Variants in FYB1 observed in about 807,000 individuals in gnomAD.
The protein encoded by FYB1 is FYN binding protein 1.
FYB1 carries 41 observed loss-of-function variants against 94.1 expected under a neutral mutation model. That is an observed-to-expected ratio of 0.44 (90% CI 0.34 to 0.57). The LOEUF is 0.57. FYB1 is among the 20% of genes least tolerant of loss of function. The pLI is 0.02. For missense variants in FYB1, 1,050 were observed against 976.8 expected, an observed-to-expected ratio of 1.07 and a Z score of -1.00; for synonymous variants, 367 against 353.2, an observed-to-expected ratio of 1.04 and a Z score of -0.44.
chr5:39,151,539 C>T (rs546902296), intron 3 of FYB1, among the ~76,000 whole-genome samples: 6 of 152,316 alleles, frequency 3.9e-5, no homozygotes, highest in Middle Eastern at 3.4e-3. Context: ...ATCCTCCCAC[C>T]TCTGTCTTTC....
chr5:39,264,195 C>G (rs1040744190), intron 1 of FYB1, among the ~76,000 whole-genome samples: 1 of 152,154 alleles, frequency 6.6e-6, no homozygotes, highest in African/African-American at 2.4e-5. Context: ...GATGAACATT[C>G]TTTTGCATAG....
intron 14 of FYB1, among the ~76,000 whole-genome samples, chr5:39,120,324 A>G (rs967545145): frequency 4.9e-4 from 74 of 152,076 alleles, no homozygotes; most frequent in African/African-American, 1.6e-3. Context: ...AAGTGTTTAG[A>G]TCAGTTAATG....
intron 1 of FYB1, among the ~76,000 whole-genome samples, chr5:39,246,620 G>T (rs1385369895): frequency 6.6e-6 from 1 of 152,134 alleles, no homozygotes; most frequent in African/African-American, 2.4e-5. Flanking sequence ...TAATAGTTCT[G>T]AGAGTTGAAA....
intron 1 of FYB1, among the ~76,000 whole-genome samples, chr5:39,241,054 A>T (rs188499111): frequency 1.3e-5 from 2 of 152,314 alleles, no homozygotes; most frequent in East Asian, 1.9e-4. Context: ...ATCCTAAGTG[A>T]ACTAACACAG....
intron 1 of FYB1, among the ~76,000 whole-genome samples, chr5:39,249,066 T>C (rs1278528864): frequency 6.6e-6 from 1 of 152,240 alleles, no homozygotes; most frequent in East Asian, 1.9e-4. Context: ...GTTATGGCAC[T>C]GGGCAGTGCA....
At chr5:39,206,220 C>T (rs1748843537) in intron 1 of FYB1, among the ~76,000 whole-genome samples, 1 of 152,084 alleles carries the variant, frequency 6.6e-6, no homozygotes, top group African/African-American at 2.4e-5. Flanking sequence ...ATCTTAGAGC[C>T]CCTTAGCCAC....
In FYB1 at chr5:39,115,401, C is replaced by T. The variant is rs181905659; in HGVS notation, c.2401+3473G>A. The stretch of plus-strand genomic sequence containing the variant: ...TGAGCTACCGTGGCTGGCCAAAACA[C>T]CTAATTTATTCAGGGAATGACAAGT... On this transcript the variant is annotated intron_variant, in intron 16 of 18. Coordinates refer to ENST00000512982, the MANE Select transcript of FYB1 (RefSeq NM_001465.6). 2.0e-3 allele frequency among the ~76,000 whole-genome samples: 306 copies of T among 152,058 alleles called. 1 individual carries two copies. The highest frequency in any genetic ancestry group is 7.1e-3 in the African/African-American group (296 of 41,492).
At chr5:39,205,816 T>C (rs894018108) in intron 1 of FYB1, among the ~76,000 whole-genome samples, 3 of 152,172 alleles carry the variant, frequency 2.0e-5, no homozygotes, top group Non-Finnish European at 4.4e-5. Flanking sequence ...ATGGTAGTTA[T>C]CCTCTCTGAG....
intron 3 of FYB1, among the ~76,000 whole-genome samples, chr5:39,146,657 T>C (rs1425952752): frequency 2.6e-5 from 4 of 152,182 alleles, no homozygotes; most frequent in Non-Finnish European, 5.9e-5. Flanking sequence ...CAAATACTTC[T>C]AAAAGGAAGG....
chr5:39,273,869 T>C (rs911659937), intron 1 of FYB1, among the ~76,000 whole-genome samples: 10 of 152,046 alleles, frequency 6.6e-5, no homozygotes, highest in Non-Finnish European at 1.0e-4. Flanking sequence ...CTAATAAAAT[T>C]TGAGTAATAT....
rs566704171 is a variant in FYB1, at chr5:39,130,479, C to T, written c.1840+111G>A. ...ATGATGGATAGCCTAAATACGCTGA[C>T]TTGAACAATACACATTCTATGCATG... On this transcript the variant is annotated intron_variant, in intron 10 of 18. Transcript: ENST00000512982. 1.2e-5 allele frequency: 10 copies of T among 849,716 alleles called. No homozygotes were observed. The South Asian group carries it at 1.3e-4, about 11-fold the overall frequency. The allele number at this position is 849,716 out of a possible 1,614,324, so 52.6% of individuals were successfully genotyped here.
At chr5:39,266,694 C>T (rs266912) in intron 1 of FYB1, among the ~76,000 whole-genome samples, 124,465 of 152,106 alleles carry the variant, frequency 0.82, 52,936 homozygotes, top group Non-Finnish European at 0.93. Flanking sequence ...CATTAAGCCC[C>T]GCTTTCTGGA....
At chr5:39,134,102 T>G (rs1362483771) in intron 9 of FYB1, 106 bp downstream of exon 9, 3 of 746,688 alleles carry the variant, frequency 4.0e-6, no homozygotes, top group African/African-American at 3.5e-5. Flanking sequence ...AGTTTAGTGA[T>G]AGAGAGCAGT....
At chr5:39,216,567 C>T (rs1251887196) in intron 1 of FYB1, among the ~76,000 whole-genome samples, 1 of 152,158 alleles carries the variant, frequency 6.6e-6, no homozygotes, top group Non-Finnish European at 1.5e-5. Flanking sequence ...TCTCCCCCTG[C>T]CCTGCAACAG....
chr5:39,186,360 G>A (rs189635107), intron 2 of FYB1, among the ~76,000 whole-genome samples: 15 of 152,210 alleles, frequency 9.9e-5, no homozygotes, highest in African/African-American at 3.6e-4. Context: ...GGAAGCAGAG[G>A]TTGCAGTGAG....
chr5:39,237,499 A>G (rs1751018872), intron 1 of FYB1, among the ~76,000 whole-genome samples: 1 of 152,088 alleles, frequency 6.6e-6, no homozygotes, highest in Non-Finnish European at 1.5e-5. Context: ...CAAGATGCAA[A>G]TAGAATTTTT....
intron 2 of FYB1, among the ~76,000 whole-genome samples, chr5:39,159,118 C>T (rs1266814064): frequency 3.3e-5 from 5 of 152,172 alleles, no homozygotes; most frequent in Non-Finnish European, 7.4e-5. Flanking sequence ...AAGATGGTCA[C>T]ACAAGGCTGA....
At chr5:39,113,687 C>A (rs1370270251) in intron 16 of FYB1, among the ~76,000 whole-genome samples, 1 of 128,220 alleles carries the variant, frequency 7.8e-6, no homozygotes, top group East Asian at 2.1e-4. Context: ...ATAAAAATGA[C>A]AACATACTAT....
rs1287049950 is a variant in FYB1, at chr5:39,211,328, T to C, written c.-28+8115A>G. On this transcript the variant is annotated intron_variant, in intron 1 of 18. Transcript: ENST00000512982. Reference sequence around the variant, plus strand: ...TTTCTTTTTCTTTTCTTTTCTTTTTTTTTTTTTTTTGAGACGGAGTCTCGC... The same window carrying C: ...TTTCTTTTTCTTTTCTTTTCTTTTTCTTTTTTTTTTGAGACGGAGTCTCGC... 4.0e-3 allele frequency among the ~76,000 whole-genome samples: 606 copies of C among 150,252 alleles called. 8 individuals are homozygous for C. Among genetic ancestry groups the C allele is most frequent in the African/African-American group, 0.014 (579 of 41,022 alleles).
Sources: gnomAD v4.1 joint callset for allele counts (sites outside exome capture counted in the v4.1 genomes callset) on GRCh38, gnomAD v4.1.1 for gene constraint, MANE v1.5 for transcripts, NCBI Gene and HGNC (gene_info 2026-07-23, HGNC 2026-07-21) for gene names.